The following ENOX1 variants were observed in gnomAD, a reference collection of about 807,000 sequenced individuals.
The protein encoded by ENOX1 is ecto-NOX disulfide-thiol exchanger 1.
ENOX1 carries 42 observed loss-of-function variants against 82.5 expected under a neutral mutation model. That is an observed-to-expected ratio of 0.51 (90% CI 0.40 to 0.66). ENOX1 has a LOEUF of 0.66. Ranked by LOEUF, ENOX1 falls within the 30% of genes least tolerant of loss-of-function variation. The probability of loss-of-function intolerance (pLI) is 0.00; values close to 1 mark genes in which losing one functional copy is unlikely to be tolerated. For synonymous variants in ENOX1, 271 were observed against 282.2 expected (o/e 0.96, Z 0.40); for missense variants, 608 against 811.6 (o/e 0.75, Z 3.05).
Position 43,688,714 on chromosome 13 carries a change from G to A in ENOX1, c.-284-21170C>T, listed in dbSNP as rs576920192. ...TGGCTCCCAAGTATGTGAACTCAGC[G>A]TCTGGTTGTCCGGGGCTACTATTTG... is the stretch of plus-strand genomic sequence containing the variant. On this transcript the variant is annotated intron_variant, in intron 1 of 16. Transcript: ENST00000690772. Among the ~76,000 whole-genome samples, 113 of 152,258 alleles carry A rather than the reference G, an allele frequency of 7.4e-4. 2 individuals carry two copies. The South Asian group carries it at 7.5e-3, about 10-fold the overall frequency.
At chr13:43,722,223 G>C (rs1433477093) in intron 1 of ENOX1, among the ~76,000 whole-genome samples, 1 of 152,242 alleles carries the variant, frequency 6.6e-6, no homozygotes, top group African/African-American at 2.4e-5. Context: ...ACACATGTTA[G>C]TTATTATGAT....
intron 2 of ENOX1, among the ~76,000 whole-genome samples, chr13:43,596,493 T>G (rs2081479274): frequency 6.6e-6 from 1 of 152,254 alleles, no homozygotes; most frequent in African/African-American, 2.4e-5. Context: ...ATTTTCTGGC[T>G]TTTAGACATG....
chr13:43,218,377 A>G (rs555563986), intron 16 of ENOX1, among the ~76,000 whole-genome samples: 1 of 152,346 alleles, frequency 6.6e-6, no homozygotes, highest in Admixed American at 6.5e-5. Flanking sequence ...TTATAATCCC[A>G]GCACTTTGGG....
At chr13:43,341,468 C>T (rs892762750) in intron 9 of ENOX1, among the ~76,000 whole-genome samples, 7 of 151,942 alleles carry the variant, frequency 4.6e-5, no homozygotes, top group African/African-American at 1.5e-4. Context: ...CGTATAAAGC[C>T]GAGTGGTGGA....
chr13:43,580,162 G>A (rs929757721), intron 2 of ENOX1, among the ~76,000 whole-genome samples: 2 of 152,172 alleles, frequency 1.3e-5, no homozygotes, highest in Non-Finnish European at 2.9e-5. Flanking sequence ...TCATGTCCTT[G>A]ACCTGTACAA....
chr13:43,435,096 G>C (rs2055936768), intron 3 of ENOX1, among the ~76,000 whole-genome samples: 1 of 151,732 alleles, frequency 6.6e-6, no homozygotes, highest in Non-Finnish European at 1.5e-5. Context: ...GGATTTGTCT[G>C]GTCACTTATG....
chr13:43,412,206 T>C (rs1305622410), intron 4 of ENOX1, among the ~76,000 whole-genome samples, 153 bp from the exon 5 acceptor site: 1 of 152,178 alleles, frequency 6.6e-6, no homozygotes, highest in Non-Finnish European at 1.5e-5. Context: ...ATGTTTTCTC[T>C]AGACATAAAC....
At chr13:43,588,265 C>A (rs2081083793) in intron 2 of ENOX1, among the ~76,000 whole-genome samples, 1 of 152,192 alleles carries the variant, frequency 6.6e-6, no homozygotes, top group Non-Finnish European at 1.5e-5. Context: ...CTTATTAAAG[C>A]AAAATGTATA....
At chr13:43,597,845 T>A (rs527692266) in intron 2 of ENOX1, among the ~76,000 whole-genome samples, 1 of 152,278 alleles carries the variant, frequency 6.6e-6, no homozygotes, top group African/African-American at 2.4e-5. Context: ...TTCTCTATTG[T>A]TCCTCAAACA....
At chr13:43,649,260 ATAAAAG>A (rs2084039439) in intron 2 of ENOX1, among the ~76,000 whole-genome samples, 1 of 152,212 alleles carries the variant, frequency 6.6e-6, no homozygotes. Context: ...TAGGTTGTCT[ATAAAAG>A]TAAAACTAGA....
intron 2 of ENOX1, among the ~76,000 whole-genome samples, chr13:43,575,769 G>A (rs568665103): frequency 6.6e-6 from 1 of 152,280 alleles, no homozygotes; most frequent in African/African-American, 2.4e-5. Context: ...AAAATGCTTG[G>A]CTAGCCCTTT....
chr13:43,728,288 T>A (rs2089115710), intron 1 of ENOX1, among the ~76,000 whole-genome samples: 1 of 152,194 alleles, frequency 6.6e-6, no homozygotes, highest in Admixed American at 6.5e-5. Context: ...AAGTCTTAGT[T>A]CCATTCTCTT....
At chr13:43,422,411 T>C (rs1305269953) in intron 3 of ENOX1, among the ~76,000 whole-genome samples, 1 of 152,168 alleles carries the variant, frequency 6.6e-6, no homozygotes, top group Non-Finnish European at 1.5e-5. Flanking sequence ...AAGTTTCCAT[T>C]TGGCATGCAC....
intron 1 of ENOX1, among the ~76,000 whole-genome samples, chr13:43,685,192 T>C (rs1291341040): frequency 6.6e-6 from 1 of 152,192 alleles, no homozygotes; most frequent in Non-Finnish European, 1.5e-5. Flanking sequence ...GGTCTCTTCA[T>C]ACTTCACTAT....
chr13:43,517,716 A>C (rs978968301), intron 2 of ENOX1, among the ~76,000 whole-genome samples: 3 of 152,112 alleles, frequency 2.0e-5, no homozygotes, highest in Non-Finnish European at 4.4e-5. Context: ...CCCAAAATTC[A>C]TATGTTGAAA....
At chr13:43,767,092 G>A (rs1238941233) in intron 1 of ENOX1, among the ~76,000 whole-genome samples, 1 of 152,044 alleles carries the variant, frequency 6.6e-6, no homozygotes, top group Non-Finnish European at 1.5e-5. Flanking sequence ...ACACATGAAG[G>A]ATACGATATG....
chr13:43,586,206 G>T (rs909012465), intron 2 of ENOX1, among the ~76,000 whole-genome samples: 2 of 152,120 alleles, frequency 1.3e-5, no homozygotes, highest in Non-Finnish European at 2.9e-5. Context: ...TCACCAAACT[G>T]CCCCAGAGGG....
At chr13:43,494,906 G>T (rs1485366176) in intron 2 of ENOX1, among the ~76,000 whole-genome samples, 1 of 152,164 alleles carries the variant, frequency 6.6e-6, no homozygotes, top group Non-Finnish European at 1.5e-5. Flanking sequence ...AGATGAAATG[G>T]ATAATGAGAA....
intron 2 of ENOX1, among the ~76,000 whole-genome samples, chr13:43,618,900 T>C (rs552569087): frequency 9.2e-5 from 14 of 152,114 alleles, no homozygotes; most frequent in Non-Finnish European, 1.8e-4. Flanking sequence ...GTTCGTGTCA[T>C]CTATTATTTC....
Sources: gnomAD v4.1 joint callset for allele counts (sites outside exome capture counted in the v4.1 genomes callset) on GRCh38, gnomAD v4.1.1 for gene constraint, MANE v1.5 for transcripts, NCBI Gene and HGNC (gene_info 2026-07-23, HGNC 2026-07-21) for gene names.